The following SLC71A2 variants were observed in gnomAD, a reference collection of about 807,000 sequenced individuals.
SLC71A2 encodes the protein solute carrier family 71 member 2.
At chr9:94,446,850 A>G in the SLC71A2 span, 2 of 1,609,472 alleles carry the variant, frequency 1.2e-6, no homozygotes, top group East Asian at 2.2e-5. Flanking sequence ...AAAAGATTCT[A>G]CTGTCTTACT....
the SLC71A2 span, among the ~76,000 whole-genome samples, chr9:94,405,486 G>T: frequency 7.0e-6 from 1 of 141,992 alleles, no homozygotes; most frequent in Non-Finnish European, 1.5e-5. Flanking sequence ...GCGACAGAGC[G>T]AGACTCCGTC....
the SLC71A2 span, among the ~76,000 whole-genome samples, chr9:94,386,237 T>G: frequency 7.5e-6 from 1 of 133,842 alleles, no homozygotes; most frequent in Non-Finnish European, 1.6e-5. Flanking sequence ...TGAAATCACT[T>G]TCTTAATTTC....
the SLC71A2 span, among the ~76,000 whole-genome samples, chr9:94,440,555 A>G: frequency 1.3e-5 from 2 of 152,026 alleles, no homozygotes; most frequent in Non-Finnish European, 2.9e-5. Flanking sequence ...CATCTATCAC[A>G]TGATATAAAT....
At chr9:94,439,894 TTTCC>T in the SLC71A2 span, among the ~76,000 whole-genome samples, 1 of 152,154 alleles carries the variant, frequency 6.6e-6, no homozygotes, top group African/African-American at 2.4e-5. Context: ...ATTTTTTCTT[TTTCC>T]TTCCAGTTTT....
the SLC71A2 span, among the ~76,000 whole-genome samples, chr9:94,452,658 C>G: frequency 1.7e-5 from 1 of 58,512 alleles, no homozygotes; most frequent in Non-Finnish European, 3.3e-5. Flanking sequence ...CATATATATT[C>G]ATATATATTC....
At chr9:94,402,890 T>A in the SLC71A2 span, among the ~76,000 whole-genome samples, 1 of 152,242 alleles carries the variant, frequency 6.6e-6, no homozygotes, top group Non-Finnish European at 1.5e-5. Flanking sequence ...TTTTAGTGTA[T>A]ATGCATAACA....
chr9:94,384,664 C>A, the SLC71A2 span, among the ~76,000 whole-genome samples: 3 of 152,096 alleles, frequency 2.0e-5, no homozygotes, highest in Non-Finnish European at 2.9e-5. Context: ...TAAATTGGGT[C>A]ATTTGCGTTT....
chr9:94,445,039 A>T, the SLC71A2 span: 1 of 1,614,204 alleles, frequency 6.2e-7, no homozygotes, highest in Non-Finnish European at 8.5e-7. Context: ...TTACGGAGAC[A>T]GCCTCGTTGT....
At chr9:94,454,081 C>G in the SLC71A2 span, 98 of 1,578,858 alleles carry the variant, frequency 6.2e-5, 1 homozygote, top group African/African-American at 1.3e-3. Flanking sequence ...GTAAGCCTCA[C>G]TCTTAGATTC....
chr9:94,379,044 C>T, the SLC71A2 span, among the ~76,000 whole-genome samples: 4 of 128,630 alleles, frequency 3.1e-5, no homozygotes, highest in Admixed American at 1.5e-4. Flanking sequence ...ATAATGACCT[C>T]GTAGGCTCTT....
At chr9:94,402,820 A>G in the SLC71A2 span, among the ~76,000 whole-genome samples, 9 of 152,218 alleles carry the variant, frequency 5.9e-5, no homozygotes, top group Admixed American at 2.6e-4. Flanking sequence ...AATCCTCTAG[A>G]AGCTAATAGT....
the SLC71A2 span, among the ~76,000 whole-genome samples, chr9:94,436,588 C>G: frequency 6.6e-6 from 1 of 152,022 alleles, no homozygotes; most frequent in Admixed American, 6.6e-5. Context: ...TTAAACTTTC[C>G]CCTCCTTCAC....
chr9:94,402,807 A>G, the SLC71A2 span, among the ~76,000 whole-genome samples: 2 of 152,216 alleles, frequency 1.3e-5, no homozygotes, highest in Admixed American at 6.5e-5. Flanking sequence ...ATTTTCTCCT[A>G]ATAATCCTCT....
chr9:94,458,586 A>C, the SLC71A2 span: 1 of 964,062 alleles, frequency 1.0e-6, no homozygotes, highest in Non-Finnish European at 1.6e-6. Context: ...TGGCAGCAAT[A>C]AGTATTGTGT....
chr9:94,428,268 ATC>A, the SLC71A2 span, among the ~76,000 whole-genome samples: 1 of 151,188 alleles, frequency 6.6e-6, no homozygotes, highest in Non-Finnish European at 1.5e-5. Flanking sequence ...AAATGTCTGT[ATC>A]TCTGTGACTT....
At chr9:94,396,806 T>G in the SLC71A2 span, among the ~76,000 whole-genome samples, 1 of 152,214 alleles carries the variant, frequency 6.6e-6, no homozygotes, top group Non-Finnish European at 1.5e-5. Flanking sequence ...GTTTCGCTCT[T>G]CTTGCCCAGG....
chr9:94,449,112 T>TA, the SLC71A2 span, among the ~76,000 whole-genome samples: 42 of 151,278 alleles, frequency 2.8e-4, no homozygotes, highest in South Asian at 8.4e-4. Context: ...GGAAGAAAGC[T>TA]AAAAAAAAAG....
At chr9:94,450,555 T>C in the SLC71A2 span, among the ~76,000 whole-genome samples, 4 of 142,070 alleles carry the variant, frequency 2.8e-5, no homozygotes, top group African/African-American at 1.1e-4. Flanking sequence ...AGTGGCACAA[T>C]CTTGGCTCAC....
chr9:94,452,833 A>G, the SLC71A2 span, among the ~76,000 whole-genome samples: 109 of 151,492 alleles, frequency 7.2e-4, no homozygotes, highest in African/African-American at 2.3e-3. Flanking sequence ...AGTACCAGAA[A>G]AGATGAAGCA....
Sources: gnomAD v4.1 joint callset for allele counts (sites outside exome capture counted in the v4.1 genomes callset) on GRCh38, gnomAD v4.1.1 for gene constraint, MANE v1.5 for transcripts, NCBI Gene and HGNC (gene_info 2026-07-23, HGNC 2026-07-21) for gene names.